SCMH1: variants seen among roughly 807,000 people sequenced by gnomAD.
The protein encoded by SCMH1 is Scm polycomb group protein homolog 1, also known as polycomb protein SCMH1.
A neutral mutation model predicts 70.8 loss-of-function variants in SCMH1; 37 were observed. The ratio of observed to expected loss-of-function variants is 0.52; its 90% CI spans 0.40 to 0.69. The LOEUF is 0.69. SCMH1 is among the 30% of genes least tolerant of loss of function. The pLI, the probability that SCMH1 is intolerant of heterozygous loss-of-function variation, is 0.00. For missense variants in SCMH1, 607 were observed against 827.3 expected (o/e 0.73, Z 3.27); for synonymous variants, 292 against 307.4 (o/e 0.95, Z 0.52).
At chr1:41,050,951 C>A (rs1031046659) in intron 10 of SCMH1, among the ~76,000 whole-genome samples, 2 of 152,020 alleles carry the variant, frequency 1.3e-5, no homozygotes, top group African/African-American at 2.4e-5. Flanking sequence ...ACTAAAAATG[C>A]AGGAATCCAG....
chr1:41,076,760 T>C (rs77871359), intron 8 of SCMH1, among the ~76,000 whole-genome samples: 11,878 of 151,992 alleles, frequency 0.078, 598 homozygotes, highest in South Asian at 0.13. Context: ...TTTGAGAAAT[T>C]GGAAAGGAGG....
exon 2 of SCMH1, chr1:41,186,224 A>C (rs1450327387): frequency 2.0e-5 from 15 of 748,368 alleles, no homozygotes; most frequent in Non-Finnish European, 3.1e-5. Context: ...CTGACAAGTC[A>C]GTTTCTTTGT....
At chr1:41,161,779 A>T (rs891393516) in intron 2 of SCMH1, among the ~76,000 whole-genome samples, 9 of 152,234 alleles carry the variant, frequency 5.9e-5, no homozygotes, top group African/African-American at 1.7e-4. Context: ...GGGGATAAAA[A>T]TTATATTCAT....
chr1:41,119,830 A>G (rs1427905768), intron 6 of SCMH1, among the ~76,000 whole-genome samples: 1 of 152,156 alleles, frequency 6.6e-6, no homozygotes, highest in African/African-American at 2.4e-5. Context: ...TGGTTATATG[A>G]GTTAATAATT....
At chr1:41,208,339 G>C (rs1476879098) in intron 1 of SCMH1, among the ~76,000 whole-genome samples, 1 of 136,336 alleles carries the variant, frequency 7.3e-6, no homozygotes, top group Non-Finnish European at 1.6e-5. Context: ...TGACACATTA[G>C]TGGGTGCAGC....
chr1:41,028,103 A>G, exon 15 of SCMH1: 1 of 1,546,444 alleles, frequency 6.5e-7, no homozygotes, highest in Non-Finnish European at 8.8e-7. Context: ...CCGGAACCCC[A>G]CTGAGGTGCC....
chr1:41,046,248 C>G (rs1646880430), intron 12 of SCMH1, among the ~76,000 whole-genome samples, 159 bp downstream of exon 12: 1 of 152,148 alleles, frequency 6.6e-6, no homozygotes, highest in Admixed American at 6.5e-5. Context: ...TGAGAGGAGG[C>G]TGAGAAGTCT....
At chr1:41,162,994 G>C (rs1375326540) in intron 2 of SCMH1, 1 of 152,270 alleles carries the variant, frequency 6.6e-6, no homozygotes, top group African/African-American at 2.4e-5. Context: ...AACACCAAAA[G>C]GGCTGAAATA....
chr1:41,227,323 T>TA (rs769740663), intron 1 of SCMH1, among the ~76,000 whole-genome samples: 22 of 152,168 alleles, frequency 1.4e-4, no homozygotes, highest in Admixed American at 4.6e-4. Flanking sequence ...CTTTCTCAGC[T>TA]AAAAAATCAC....
chr1:41,235,204 G>C (rs1223098849), intron 1 of SCMH1, among the ~76,000 whole-genome samples: 1 of 151,914 alleles, frequency 6.6e-6, no homozygotes, highest in Admixed American at 6.6e-5. Context: ...TAATATTAGT[G>C]GTGAGTAAAA....
intron 8 of SCMH1, among the ~76,000 whole-genome samples, chr1:41,105,811 G>C (rs141373236): frequency 4.7e-4 from 72 of 151,624 alleles, no homozygotes; most frequent in African/African-American, 1.7e-3. Flanking sequence ...TTTCATTGTT[G>C]CCAAAATGGT....
At chr1:41,221,390 T>C (rs1250828586) in intron 1 of SCMH1, among the ~76,000 whole-genome samples, 2 of 151,908 alleles carry the variant, frequency 1.3e-5, no homozygotes, top group African/African-American at 4.8e-5. Context: ...TTAAAAATGG[T>C]TAAAATAGGC....
rs144746932 is a variant in SCMH1 at position 41,116,414 on chromosome 1, G to A, written c.501+508C>T. ...CCCTGTTCTGCCGCTTACTAGCCAC[G>A]TGATCTTGAGCAAGCTCCTAATTCA... On this transcript the variant is annotated intron_variant, in intron 7 of 14. Transcript: ENST00000337495. Among the ~76,000 whole-genome samples the A allele has an allele frequency of 6.9e-3, 1,051 of 152,290 alleles. 12 individuals carry two copies. Among genetic ancestry groups the A allele is most frequent in the Non-Finnish European group, 0.012 (816 of 68,024 alleles).
chr1:41,071,374 T>C (rs1169986906), intron 9 of SCMH1, among the ~76,000 whole-genome samples: 1 of 152,208 alleles, frequency 6.6e-6, no homozygotes, highest in Non-Finnish European at 1.5e-5. Context: ...TCTTTTATGT[T>C]ACCTCTGTTT....
chr1:41,232,996 C>T (rs894078023), intron 1 of SCMH1, among the ~76,000 whole-genome samples: 3 of 152,136 alleles, frequency 2.0e-5, no homozygotes, highest in African/African-American at 7.2e-5. Context: ...TCAAGAGAAC[C>T]AGATTCCAGT....
At chr1:41,167,915 T>G (rs543134494) in intron 2 of SCMH1, among the ~76,000 whole-genome samples, 11 of 151,420 alleles carry the variant, frequency 7.3e-5, no homozygotes, top group South Asian at 2.1e-4. Context: ...GTGTTTTGTT[T>G]TTTTTTTTTT....
At chr1:41,146,793 A>G (rs1198398122) in intron 5 of SCMH1, among the ~76,000 whole-genome samples, 1 of 152,172 alleles carries the variant, frequency 6.6e-6, no homozygotes, top group Non-Finnish European at 1.5e-5. Context: ...ATCGTTAAGC[A>G]ATGCAAAACT....
At chr1:41,210,306 C>G (rs878969752) in intron 1 of SCMH1, among the ~76,000 whole-genome samples, 1 of 152,134 alleles carries the variant, frequency 6.6e-6, no homozygotes, top group African/African-American at 2.4e-5. Flanking sequence ...AGATTCAACG[C>G]CATCCCCATC....
In SCMH1 at chr1:41,213,895, A is replaced by T. The variant is rs191599465; in HGVS notation, c.-117-27645T>A. Among the ~76,000 whole-genome samples the T allele has an allele frequency of 1.1e-3, 92 of 87,514 alleles. 1 individual carries two copies. The highest frequency in any genetic ancestry group is 9.6e-3 in the East Asian group (37 of 3,836). 57.4% of individuals were successfully genotyped at this position (87,514 alleles called of 152,430 possible). Reference sequence around the variant, plus strand: ...CTATAATTGCTTACATTTTTTTTTAAAAAAAACCTTTAAATTATTTCAGTG... The same window carrying T: ...CTATAATTGCTTACATTTTTTTTTATAAAAAACCTTTAAATTATTTCAGTG... On this transcript the variant is annotated intron_variant, in intron 1 of 14. Transcript: ENST00000337495.
Sources: allele counts gnomAD v4.1 joint callset (sites outside exome capture counted in the v4.1 genomes callset), GRCh38; gene constraint gnomAD v4.1.1; transcripts MANE v1.5; gene names NCBI Gene and HGNC (gene_info 2026-07-23, HGNC 2026-07-21).